CAPN9: variants seen among roughly 807,000 people sequenced by gnomAD.
The protein encoded by CAPN9 is calpain-9.
In CAPN9, 81 loss-of-function variants were observed where a neutral mutation model predicts 92.8. The ratio of observed to expected loss-of-function variants is 0.87; its 90% CI spans 0.73 to 1.05. The LOEUF is 1.05. Among genes scored for constraint, CAPN9 ranks in the 50% least tolerant of loss-of-function variants. The probability of loss-of-function intolerance (pLI) is 0.00; values close to 1 mark genes in which losing one functional copy is unlikely to be tolerated. For synonymous variants in CAPN9, 304 were observed against 328.0 expected (o/e 0.93, Z 0.79); for missense variants, 848 against 866.2 (o/e 0.98, Z 0.26).
At chr1:230,790,389 TG>T (rs1308455439) in intron 14 of CAPN9, 200 bp downstream of exon 14, 1 of 857,780 alleles carries the variant, frequency 1.2e-6, no homozygotes, top group Non-Finnish European at 1.4e-6. Flanking sequence ...TTCTTAAAAA[TG>T]CAGAAAAGCC....
At chr1:230,748,317 G>T (rs1245327684) in intron 1 of CAPN9, among the ~76,000 whole-genome samples, 2 of 152,240 alleles carry the variant, frequency 1.3e-5, no homozygotes, top group East Asian at 3.8e-4. Flanking sequence ...AGAGGTGCTA[G>T]CTTGTGCCTG....
intron 4 of CAPN9, among the ~76,000 whole-genome samples, chr1:230,767,047 A>G (rs1666028458): frequency 6.6e-6 from 1 of 152,220 alleles, no homozygotes; most frequent in Non-Finnish European, 1.5e-5. Flanking sequence ...AGAGATGACT[A>G]TGACAAAAAT....
rs1668729824 is a variant in CAPN9 at position 230,801,568 on chromosome 1, A to C, written c.2047-2A>C. On this transcript the variant is annotated splice_acceptor_variant, in intron 19 of 19. Transcript: ENST00000271971. LOFTEE classifies it high-confidence loss of function. ...CCCTCATCTCTCTCTCTCTCTTCCC[A>C]GTTCATCCATTTGACAATGAACATC... 3 of 1,613,812 alleles carry C rather than the reference A, an allele frequency of 1.9e-6. No individual in the cohort carries two copies. Among genetic ancestry groups the C allele is most frequent in the African/African-American group, 2.7e-5 (2 of 74,910 alleles).
chr1:230,750,017 C>T (rs1292853135), intron 1 of CAPN9, among the ~76,000 whole-genome samples: 1 of 152,132 alleles, frequency 6.6e-6, no homozygotes. Context: ...TTTGTCTCCC[C>T]CTTCAGAAGT....
chr1:230,749,444 C>A (rs1425826051), intron 1 of CAPN9, among the ~76,000 whole-genome samples: 1 of 152,228 alleles, frequency 6.6e-6, no homozygotes, highest in African/African-American at 2.4e-5. Context: ...GGCCTCGGCG[C>A]ATGAACAAAT....
chr1:230,753,387 C>A (rs1043602235), intron 1 of CAPN9, among the ~76,000 whole-genome samples: 3 of 152,224 alleles, frequency 2.0e-5, no homozygotes, highest in African/African-American at 7.2e-5. Context: ...TCTCCCTGGG[C>A]AGGCGCCCCT....
rs1572039456 is a variant in CAPN9, at chr1:230,769,328, A to G, written c.789+65A>G. ...ATGTGACAATGCTAATCCCTTAGGC[A>G]TTTATTCAGTGCATTGCAGTTTAAA... is the stretch of plus-strand genomic sequence containing the variant. On this transcript the variant is annotated intron_variant, in intron 6 of 19. Coordinates refer to ENST00000271971, the MANE Select transcript of CAPN9 (RefSeq NM_006615.3). 2.0e-5 allele frequency: 23 copies of G among 1,176,542 alleles called. 1 individual carries two copies. The East Asian group carries it at 5.4e-4, about 28-fold the overall frequency. The allele number at this position is 1,176,542 out of a possible 1,614,324, so 72.9% of individuals were successfully genotyped here. A position where few individuals can be genotyped will look rare whatever the true frequency, so the allele number is the denominator to read the frequency against.
rs1177479764 is a variant in CAPN9, at chr1:230,747,706, A to AG, written c.213+1dup. On this transcript the variant is annotated frameshift_variant, in exon 1 of 20. Coordinates refer to ENST00000271971, the MANE Select transcript of CAPN9 (RefSeq NM_006615.3). LOFTEE classifies it high-confidence loss of function. ...AGATCCCCTTTGTGTGGAAACGACC[A>AG]GGGGTGAGTGGGGCGAGCAGGGGAA... The AG allele has an allele frequency of 1.2e-6, 2 of 1,613,834 alleles. No individual in the cohort carries two copies. Among genetic ancestry groups the AG allele is most frequent in the Non-Finnish European group, 1.7e-6 (2 of 1,179,754 alleles).
chr1:230,749,018 G>A (rs1329743552), intron 1 of CAPN9, among the ~76,000 whole-genome samples: 1 of 152,206 alleles, frequency 6.6e-6, no homozygotes, highest in African/African-American at 2.4e-5. Context: ...GTGCACATGT[G>A]TGTGGATATG....
At chr1:230,747,916 A>G (rs1323082419) in intron 1 of CAPN9, among the ~76,000 whole-genome samples, 1 of 152,032 alleles carries the variant, frequency 6.6e-6, no homozygotes, top group Non-Finnish European at 1.5e-5. Flanking sequence ...GACCCGGGGC[A>G]TCTGGTTGTA....
At chr1:230,756,504 G>A (rs948431950) in intron 2 of CAPN9, among the ~76,000 whole-genome samples, 2 of 152,096 alleles carry the variant, frequency 1.3e-5, no homozygotes, top group African/African-American at 2.4e-5. Flanking sequence ...AAGGTAGGTG[G>A]GTAAATACAT....
At chr1:230,750,791 C>G (rs942889064) in intron 1 of CAPN9, among the ~76,000 whole-genome samples, 20 of 151,544 alleles carry the variant, frequency 1.3e-4, no homozygotes, top group African/African-American at 4.6e-4. Context: ...CCAGGCTTGC[C>G]CTCAAGGGAG....
intron 8 of CAPN9, chr1:230,777,031 G>C (rs1238569858): frequency 6.6e-6 from 1 of 152,208 alleles, no homozygotes; most frequent in African/African-American, 2.4e-5. Context: ...GAATTTTGAA[G>C]TACAGGGGAC....
chr1:230,762,357 C>T (rs1366719145), intron 3 of CAPN9, among the ~76,000 whole-genome samples: 2 of 152,250 alleles, frequency 1.3e-5, no homozygotes, highest in African/African-American at 4.8e-5. Flanking sequence ...ATTCAGAGCA[C>T]CGTAGAGTGT....
rs28359635 is a variant in CAPN9 at position 230,763,174 on chromosome 1, C to T, written c.536+388C>T. ...CGTTGATATAGAGACATCAATTGTC[C>T]GTCCTACGGGATGCTTCTTTTTTAT... On this transcript the variant is annotated intron_variant, in intron 4 of 19. Coordinates refer to ENST00000271971, the MANE Select transcript of CAPN9 (RefSeq NM_006615.3). Among the ~76,000 whole-genome samples, 508 of 152,236 alleles carry T rather than the reference C, an allele frequency of 3.3e-3. 1 individual carries two copies. Among genetic ancestry groups the T allele is most frequent in the African/African-American group, 0.011 (467 of 41,534 alleles).
At chr1:230,774,739 CT>C (rs747512464) in intron 8 of CAPN9, 108 bp downstream of exon 8, 58,725 of 378,962 alleles carry the variant, frequency 0.15, 95 homozygotes, top group Non-Finnish European at 0.18. Flanking sequence ...TTCTTTCTTT[CT>C]TTTTTTTTTT....
chr1:230,797,676 AGGTCACTACACCATGC>A, intron 18 of CAPN9, among the ~76,000 whole-genome samples: 1 of 152,318 alleles, frequency 6.6e-6, no homozygotes, highest in Middle Eastern at 3.4e-3. Flanking sequence ...AGGTGCACTC[AGGTCACTACACCATGC>A]GGTAGACCCA....
intron 5 of CAPN9, 101 bp from the exon 6 acceptor site, chr1:230,769,079 G>T: frequency 1.1e-6 from 1 of 891,124 alleles, no homozygotes; most frequent in Non-Finnish European, 1.8e-6. Flanking sequence ...CAGCAGAAGG[G>T]GCTGGAGGTT....
In CAPN9 at chr1:230,801,730, CT is replaced by C; in HGVS notation, c.*136del. On this transcript the variant is annotated 3_prime_UTR_variant, in exon 20 of 20. Transcript: ENST00000271971. ...TCATCGTCCGGCCTTCTCCCTTCAT[CT>C]TGATCTGGGAAGAATGAAATGAACT... is the stretch of plus-strand genomic sequence containing the variant. 1.2e-6 allele frequency: 1 copy of C among 814,710 alleles called. No homozygotes were observed. The highest frequency in any genetic ancestry group is 1.7e-5 in the African/African-American group (1 of 59,844). The allele number at this position is 814,710 out of a possible 1,614,324, so 50.5% of individuals were successfully genotyped here.
Sources: allele counts gnomAD v4.1 joint callset (sites outside exome capture counted in the v4.1 genomes callset), GRCh38; gene constraint gnomAD v4.1.1; transcripts MANE v1.5; gene names NCBI Gene and HGNC (gene_info 2026-07-23, HGNC 2026-07-21).